TRAP1: variants seen among roughly 807,000 people sequenced by gnomAD.
TRAP1 encodes the protein TNF receptor associated protein 1.
Under a neutral mutation model 89.1 loss-of-function variants are expected in TRAP1, and 102 were observed. That is an observed-to-expected ratio of 1.15 (90% confidence interval 0.98 to 1.35). The LOEUF is 1.35. Ranked by LOEUF, TRAP1 falls within the 40% of genes most tolerant of loss-of-function variation. The pLI is 0.00. For synonymous variants in TRAP1, 508 were observed against 388.0 expected (o/e 1.31, Z -3.64); for missense variants, 1,256 against 945.3 (o/e 1.33, Z -4.31).
At chr16:3,707,177 A>G (rs2051458767) in intron 1 of TRAP1, among the ~76,000 whole-genome samples, 1 of 149,356 alleles carries the variant, frequency 6.7e-6, no homozygotes, top group African/African-American at 2.5e-5. Flanking sequence ...ATGATTTAAG[A>G]GGAAATCTTT....
chr16:3,716,163 T>C (rs1028771203), intron 1 of TRAP1, among the ~76,000 whole-genome samples: 10 of 152,222 alleles, frequency 6.6e-5, no homozygotes, highest in Non-Finnish European at 1.5e-4. Context: ...ACAAGGTATC[T>C]TTTATAGACC....
chr16:3,697,143 A>C (rs1390197287), intron 1 of TRAP1, among the ~76,000 whole-genome samples: 1 of 152,206 alleles, frequency 6.6e-6, no homozygotes, highest in Non-Finnish European at 1.5e-5. Flanking sequence ...ATTCCTGCCA[A>C]GTCAGTGTTG....
intron 11 of TRAP1, among the ~76,000 whole-genome samples, chr16:3,666,975 ACT>A (rs1016572473): frequency 3.9e-5 from 6 of 152,036 alleles, no homozygotes; most frequent in African/African-American, 1.4e-4. Context: ...TGGGAACAAC[ACT>A]CTCTCGAGTT....
rs535656262 is a variant in TRAP1 at position 3,691,646 on chromosome 16, T to C, written c.89-661A>G. On this transcript the variant is annotated intron_variant, in intron 1 of 17. Coordinates refer to ENST00000246957, the MANE Select transcript of TRAP1 (RefSeq NM_016292.3). The stretch of plus-strand genomic sequence containing the variant: ...AGAAGCCCCCGATGGGCCACACTTC[T>C]TTGCTCTTGACAGTCAAGCAAAAAA... Among the ~76,000 whole-genome samples, 66 of 152,236 alleles carry C rather than the reference T, an allele frequency of 4.3e-4. 1 individual carries two copies. In the South Asian group the frequency reaches 0.013, roughly 31 times the overall value.
intron 11 of TRAP1, among the ~76,000 whole-genome samples, chr16:3,666,929 C>G (rs760629731): frequency 6.6e-6 from 1 of 152,102 alleles, no homozygotes; most frequent in Non-Finnish European, 1.5e-5. Context: ...TTCCTTTAAG[C>G]AGGTAAATTA....
At chr16:3,686,258 T>G in intron 3 of TRAP1, 122 bp from the exon 4 acceptor site, 4 of 1,192,692 alleles carry the variant, frequency 3.4e-6, no homozygotes, top group Non-Finnish European at 4.7e-6. Flanking sequence ...TCTCAAAGCA[T>G]AAAGAGTTTC....
Position 3,705,298 on chromosome 16 carries a change from T to C in TRAP1, c.88+12123A>G, listed in dbSNP as rs566458655. ...GTTAGCCAGGATGGTCTCGATCTCC[T>C]GACCTCGTGATCCGCCCGCATCGGC... is the stretch of plus-strand genomic sequence containing the variant. On this transcript the variant is annotated intron_variant, in intron 1 of 17. Transcript: ENST00000246957. Among the ~76,000 whole-genome samples the C allele has an allele frequency of 2.6e-5, 4 of 152,236 alleles. No homozygotes were observed. The South Asian group carries it at 6.2e-4, about 24-fold the overall frequency.
intron 1 of TRAP1, among the ~76,000 whole-genome samples, chr16:3,697,161 A>C (rs2051299334): frequency 6.6e-6 from 1 of 152,104 alleles, no homozygotes; most frequent in Non-Finnish European, 1.5e-5. Context: ...TTGAGATGAA[A>C]CTCTTGGATC....
At chr16:3,673,859 A>G (rs2050950042) in intron 9 of TRAP1, among the ~76,000 whole-genome samples, 1 of 88,874 alleles carries the variant, frequency 1.1e-5, no homozygotes, top group South Asian at 4.9e-4. Flanking sequence ...GCACACAGAG[A>G]GGCCAACGGA....
chr16:3,708,772 C>T (rs544119584), intron 1 of TRAP1, among the ~76,000 whole-genome samples: 1 of 149,232 alleles, frequency 6.7e-6, no homozygotes, highest in South Asian at 2.2e-4. Context: ...GGTGAGATGG[C>T]GCCACTGCAC....
intron 8 of TRAP1, among the ~76,000 whole-genome samples, 190 bp downstream of exon 8, chr16:3,675,134 C>T (rs995225825): frequency 3.9e-5 from 6 of 152,004 alleles, no homozygotes; most frequent in Non-Finnish European, 7.4e-5. Flanking sequence ...CCCGGCTGCC[C>T]GGTGCACAGG....
At chr16:3,709,700 G>C (rs374739080) in intron 1 of TRAP1, among the ~76,000 whole-genome samples, 13 of 152,216 alleles carry the variant, frequency 8.5e-5, no homozygotes, top group African/African-American at 3.1e-4. Context: ...TGCCAGGCTG[G>C]AGTGCAGTGG....
chr16:3,701,712 A>G (rs1050842923), intron 1 of TRAP1, among the ~76,000 whole-genome samples: 1 of 152,130 alleles, frequency 6.6e-6, no homozygotes, highest in Non-Finnish European at 1.5e-5. Context: ...GAACACAGAG[A>G]AGGGTGCGTC....
intron 16 of TRAP1, chr16:3,661,751 A>G (rs997833738): frequency 6.6e-5 from 28 of 425,698 alleles, no homozygotes; most frequent in Non-Finnish European, 1.0e-4. Flanking sequence ...AAACGAGGAC[A>G]TGGTCACAGG....
chr16:3,682,608 G>A (rs1263924665), intron 4 of TRAP1, among the ~76,000 whole-genome samples: 1 of 152,080 alleles, frequency 6.6e-6, no homozygotes, highest in East Asian at 1.9e-4. Context: ...GCCCAGGCTG[G>A]TCTTGAACTC....
chr16:3,704,635 T>C (rs1424814432), intron 1 of TRAP1, among the ~76,000 whole-genome samples: 2 of 152,244 alleles, frequency 1.3e-5, no homozygotes, highest in East Asian at 3.9e-4. Flanking sequence ...GGAGGCTCCC[T>C]CGAGCTCAGG....
chr16:3,681,041 G>A (rs964887826), intron 4 of TRAP1, among the ~76,000 whole-genome samples: 1 of 152,070 alleles, frequency 6.6e-6, no homozygotes, highest in South Asian at 2.1e-4. Flanking sequence ...CTGACCATGG[G>A]CTCCTCCTTC....
At chr16:3,698,874 A>C (rs1478652573) in intron 1 of TRAP1, among the ~76,000 whole-genome samples, 1 of 151,890 alleles carries the variant, frequency 6.6e-6, no homozygotes, top group Non-Finnish European at 1.5e-5. Context: ...AGATGCAGCC[A>C]GGCCCTGTCT....
intron 4 of TRAP1, among the ~76,000 whole-genome samples, chr16:3,684,416 CATA>C (rs1259570840): frequency 6.6e-6 from 1 of 152,114 alleles, no homozygotes; most frequent in Non-Finnish European, 1.5e-5. Flanking sequence ...GATGGAATGG[CATA>C]ATACCTCTGA....
Sources: gnomAD v4.1 joint callset for allele counts (sites outside exome capture counted in the v4.1 genomes callset) on GRCh38, gnomAD v4.1.1 for gene constraint, MANE v1.5 for transcripts, NCBI Gene and HGNC (gene_info 2026-07-23, HGNC 2026-07-21) for gene names.